Variants in PAX3 observed in about 807,000 individuals in gnomAD.
The protein encoded by PAX3 is paired box 3, also known as paired box protein Pax-3.
PAX3 carries 14 observed loss-of-function variants against 51.6 expected under a neutral mutation model. That is an observed-to-expected ratio of 0.27 (90% CI 0.18 to 0.42). The LOEUF (loss-of-function observed/expected upper bound fraction) is 0.42. Ranked by LOEUF, PAX3 falls within the 10% of genes least tolerant of loss-of-function variation. The probability of loss-of-function intolerance (pLI) is 1.00; values close to 1 mark genes in which losing one functional copy is unlikely to be tolerated. For synonymous variants in PAX3, 280 were observed against 253.4 expected (o/e 1.11, Z -1.00); for missense variants, 540 against 642.8 (o/e 0.84, Z 1.73).
intron 5 of PAX3, among the ~76,000 whole-genome samples, chr2:222,222,731 G>C (rs1692244580): frequency 6.6e-6 from 1 of 152,140 alleles, no homozygotes; most frequent in Admixed American, 6.6e-5. Context: ...GGGTTGGAAG[G>C]ATATAAAGGG....
At chr2:222,290,706 C>T (rs544333875) in intron 4 of PAX3, among the ~76,000 whole-genome samples, 3 of 152,262 alleles carry the variant, frequency 2.0e-5, no homozygotes, top group South Asian at 4.1e-4. Context: ...CCTCTAATTC[C>T]ATTACTGCAC....
intron 4 of PAX3, among the ~76,000 whole-genome samples, chr2:222,285,786 T>C (rs1339482622): frequency 6.6e-6 from 1 of 152,266 alleles, no homozygotes; most frequent in African/African-American, 2.4e-5. Context: ...TTTGAAAATC[T>C]ACATTTAAGT....
At chr2:222,279,345 AGT>A (rs1694553832) in intron 4 of PAX3, among the ~76,000 whole-genome samples, 1 of 146,296 alleles carries the variant, frequency 6.8e-6, no homozygotes, top group Non-Finnish European at 1.5e-5. Flanking sequence ...TAGTAGTAAT[AGT>A]AGTAGGAATG....
chr2:222,293,622 C>T, intron 4 of PAX3: 1 of 1,612,856 alleles, frequency 6.2e-7, no homozygotes, highest in Non-Finnish European at 8.5e-7. Flanking sequence ...CAACTTCAAA[C>T]AAATCAAACC....
chr2:222,242,844 T>A (rs866240568), intron 4 of PAX3, among the ~76,000 whole-genome samples: 7 of 152,214 alleles, frequency 4.6e-5, no homozygotes, highest in African/African-American at 1.7e-4. Flanking sequence ...GAATAAGACA[T>A]GAGTGTTCAA....
intron 4 of PAX3, among the ~76,000 whole-genome samples, chr2:222,233,810 C>T (rs1280634054): frequency 6.6e-6 from 1 of 152,074 alleles, no homozygotes; most frequent in African/African-American, 2.4e-5. Context: ...AAAGAAGGGG[C>T]CGAGGTTACT....
At position 222,248,614 on chromosome 2, in the gene PAX3, C is replaced by T. The variant is rs2106121603; in HGVS notation, c.587-16331G>A. ...CTTCCTTGAATTTGTATCCATTTAG[C>T]TGTGTGTCCCAGCAGTACTTTTTCA... On this transcript the variant is annotated intron_variant, in intron 4 of 8. Coordinates refer to ENST00000392070, the MANE Select transcript of PAX3 (RefSeq NM_181458.4). 1.3e-5 allele frequency among the ~76,000 whole-genome samples: 2 copies of T among 152,312 alleles called. 1 individual carries two copies. The highest frequency in any genetic ancestry group is 4.1e-4 in the South Asian group (2 of 4,830).
intron 4 of PAX3, among the ~76,000 whole-genome samples, chr2:222,277,661 C>T (rs1428841387): frequency 6.6e-6 from 1 of 152,128 alleles, no homozygotes; most frequent in Admixed American, 6.5e-5. Flanking sequence ...TTTGGCCGGT[C>T]GCAGTGGCTC....
At chr2:222,267,800 C>T (rs1279676421) in intron 4 of PAX3, among the ~76,000 whole-genome samples, 1 of 152,118 alleles carries the variant, frequency 6.6e-6, no homozygotes, top group Non-Finnish European at 1.5e-5. Context: ...ATTGGTTGAT[C>T]CTACTGAGTA....
At position 222,200,017 on chromosome 2, in the gene PAX3, C is replaced by G; in HGVS notation, c.*1391G>C. The G allele has an allele frequency of 4.9e-6, 1 of 203,402 alleles. No homozygotes were observed. The highest frequency in any genetic ancestry group is 7.6e-5 in the East Asian group (1 of 13,218). The allele number at this position is 203,402 out of a possible 1,614,324, so 12.6% of individuals were successfully genotyped here. A position where few individuals can be genotyped will look rare whatever the true frequency, so the allele number is the denominator to read the frequency against. ...AAAGATAGTACTTCTCTTGTTCCAT[C>G]ACCCTCTAAGACCAATGCATGAACT... On this transcript the variant is annotated 3_prime_UTR_variant, in exon 9 of 9. Coordinates refer to ENST00000392070, the MANE Select transcript of PAX3 (RefSeq NM_181458.4).
rs535964414 is a variant in PAX3 at position 222,217,234 on chromosome 2, C to T, written c.1173+2906G>A. On this transcript the variant is annotated intron_variant, in intron 7 of 8. Transcript: ENST00000392070. ...ATTTATCTACAATGAACATCCAATG[C>T]TTTTAATATGAGGAGAAGATAGAAG... Among the ~76,000 whole-genome samples, 32 of 152,100 alleles carry T rather than the reference C, an allele frequency of 2.1e-4. 1 individual carries two copies. The South Asian group carries it at 3.9e-3, about 19-fold the overall frequency.
intron 4 of PAX3, among the ~76,000 whole-genome samples, chr2:222,273,731 T>A (rs932568836): frequency 9.9e-5 from 15 of 152,254 alleles, no homozygotes; most frequent in African/African-American, 3.4e-4. Context: ...GTTATTTAGT[T>A]GCAGCATTTT....
At position 222,294,203 on chromosome 2, in the gene PAX3, C is replaced by G; in HGVS notation, c.550G>C (p.Ala184Pro). 6.2e-7 allele frequency: 1 copy of G among 1,614,244 alleles called. No individual in the cohort carries two copies. The highest frequency in any genetic ancestry group is 8.5e-7 in the Non-Finnish European group (1 of 1,180,040). Residue 184 changes from alanine to proline, a missense_variant, in exon 4 of 9, where the codon GCC (alanine) becomes CCC (proline). Around this residue, in one of 3 missense-constraint regions of PAX3, gnomAD observed 427 missense variants for 483.6 expected, o/e 0.88. Transcript: ENST00000392070. Reference sequence around the variant, plus strand: ...AGGATGCCGTCGATGCTGTGTTTGGCCTTCTTCTCGCTTTCCTCTGCCTCC... The same window carrying G: ...AGGATGCCGTCGATGCTGTGTTTGGGCTTCTTCTCGCTTTCCTCTGCCTCC... ...RKEAEESEKK[A>P]KHSIDGILSE...
intron 4 of PAX3, among the ~76,000 whole-genome samples, chr2:222,233,218 CA>C (rs1354116144): frequency 1.3e-5 from 2 of 151,038 alleles, no homozygotes; most frequent in Non-Finnish European, 2.9e-5. Context: ...CTGCATAAGA[CA>C]AAAATGTCCC....
Position 222,293,812 on chromosome 2 carries a change from G to A in PAX3, c.586+355C>T, listed in dbSNP as rs901979889. ...GAAGATTCAAGTACCCTCTATCCCC[G>A]GCCCTACAATTGCTCAGAGATGCCC... On this transcript the variant is annotated intron_variant, in intron 4 of 8. Transcript: ENST00000392070. 23 of 1,613,870 alleles carry A rather than the reference G, an allele frequency of 1.4e-5. No homozygotes were observed. The East Asian group carries it at 2.0e-4, about 14-fold the overall frequency.
intron 4 of PAX3, among the ~76,000 whole-genome samples, chr2:222,261,841 G>A (rs75173573): frequency 0.016 from 2,384 of 152,298 alleles, 62 homozygotes; most frequent in African/African-American, 0.055. Flanking sequence ...TACGTTAAAT[G>A]TTTCATGTTT....
chr2:222,269,815 G>A (rs964135539), intron 4 of PAX3, among the ~76,000 whole-genome samples: 1 of 152,172 alleles, frequency 6.6e-6, no homozygotes, highest in Non-Finnish European at 1.5e-5. Context: ...GGGAAAATGT[G>A]ATGACTTTAA....
chr2:222,224,528 C>T (rs1692313662), intron 5 of PAX3, among the ~76,000 whole-genome samples: 1 of 152,122 alleles, frequency 6.6e-6, no homozygotes, highest in African/African-American at 2.4e-5. Context: ...TGGTCTTTGC[C>T]TTCTTTATGT....
chr2:222,286,486 C>T (rs182290896), intron 4 of PAX3, among the ~76,000 whole-genome samples: 79 of 152,336 alleles, frequency 5.2e-4, no homozygotes, highest in African/African-American at 1.8e-3. Flanking sequence ...TTATCAATCA[C>T]CTCAGTAAGA....
Sources: allele counts gnomAD v4.1 joint callset (sites outside exome capture counted in the v4.1 genomes callset), GRCh38; gene constraint gnomAD v4.1.1; regional missense constraint gnomAD v4.1.1; transcripts MANE v1.5; gene names NCBI Gene and HGNC (gene_info 2026-07-23, HGNC 2026-07-21).